The following GRAMD2B variants were observed in gnomAD, a reference collection of about 807,000 sequenced individuals.
The protein encoded by GRAMD2B is GRAM domain containing 2B, also known as GRAM domain-containing protein 2B.
In GRAMD2B, 41 loss-of-function variants were observed where a neutral mutation model predicts 59.2. The ratio of observed to expected loss-of-function variants is 0.69; its 90% CI spans 0.54 to 0.90. GRAMD2B has a LOEUF of 0.90. Ranked by LOEUF, GRAMD2B falls within the 40% of genes least tolerant of loss-of-function variation. The probability of loss-of-function intolerance (pLI) is 0.00; values close to 1 mark genes in which losing one functional copy is unlikely to be tolerated. For synonymous variants in GRAMD2B, 161 were observed against 182.7 expected (o/e 0.88, Z 0.96); for missense variants, 424 against 500.5 (o/e 0.85, Z 1.46).
upstream of GRAMD2B, chr5:126,371,214 T>C (rs754571919): frequency 2.9e-6 from 2 of 685,488 alleles, no homozygotes; most frequent in Non-Finnish European, 3.7e-6. Context: ...CATTTATTTC[T>C]TTACAGCAAA....
At chr5:126,435,033 C>T (rs1434213299) in intron 1 of GRAMD2B, among the ~76,000 whole-genome samples, 1 of 152,122 alleles carries the variant, frequency 6.6e-6, no homozygotes, top group Non-Finnish European at 1.5e-5. Flanking sequence ...CTGTACTGTT[C>T]AGTAACTTTT....
intron 1 of GRAMD2B, among the ~76,000 whole-genome samples, chr5:126,430,605 T>C (rs1761398684): frequency 6.6e-6 from 1 of 152,210 alleles, no homozygotes; most frequent in Non-Finnish European, 1.5e-5. Context: ...CGTAGAAATC[T>C]TTGTTCCATA....
chr5:126,433,715 A>G (rs570898237), intron 1 of GRAMD2B: 28 of 152,226 alleles, frequency 1.8e-4, no homozygotes, highest in Non-Finnish European at 2.5e-4. Flanking sequence ...TCATTCATGG[A>G]TTCCAATTTT....
At chr5:126,429,907 T>C (rs1320850972) in intron 1 of GRAMD2B, among the ~76,000 whole-genome samples, 1 of 152,236 alleles carries the variant, frequency 6.6e-6, no homozygotes, top group African/African-American at 2.4e-5. Context: ...GTGTTATACA[T>C]CTGTTGTCCA....
chr5:126,444,454 G>A lies in GRAMD2B; in HGVS notation c.83+20765G>A. On this transcript the variant is annotated intron_variant, in intron 1 of 13. Transcript: ENST00000285689. ...CGCAGATTTTTTGTTCTAAGAATTG[G>A]CAAGAACCTTTTGCAAAGATAAGGG... 1.3e-5 allele frequency among the ~76,000 whole-genome samples: 2 copies of A among 152,122 alleles called. 1 individual carries two copies.
intron 5 of GRAMD2B, among the ~76,000 whole-genome samples, chr5:126,476,049 G>A (rs1045404385): frequency 5.3e-5 from 8 of 151,772 alleles, no homozygotes; most frequent in East Asian, 1.9e-4. Flanking sequence ...TGGAGGTTGC[G>A]GTGAGCCGAG....
In GRAMD2B at chr5:126,480,640, G is replaced by A; in HGVS notation, c.668G>A (p.Gly223Asp). The A allele has an allele frequency of 1.2e-6, 2 of 1,614,004 alleles. No individual in the cohort carries two copies. The highest frequency in any genetic ancestry group is 1.7e-6 in the Non-Finnish European group (2 of 1,179,910). ...CAATAATTTCAGAATACAAGTGTTG[G>A]TAACAGTCCCAATCCATCTTCTGCT... ...VCGHLENTSV[G>D]NSPNPSSAEN... is the part of the protein sequence containing the mutation. Residue 223 changes from glycine to aspartate, a missense_variant, in exon 8 of 14, where the codon GGT becomes GAT. Physicochemically the swap from Gly to Asp is moderately conservative, Grantham distance 94. Transcript: ENST00000285689.
chr5:126,489,024 G>T, intron 13 of GRAMD2B, 132 bp downstream of exon 13: 1 of 528,060 alleles, frequency 1.9e-6, no homozygotes, highest in Non-Finnish European at 3.4e-6. Flanking sequence ...ACCCTGGCTA[G>T]GGGCTTTTTA....
At chr5:126,420,304 C>T (rs775389230), upstream of GRAMD2B, among the ~76,000 whole-genome samples, 4 of 152,156 alleles carry the variant, frequency 2.6e-5, no homozygotes, top group African/African-American at 4.8e-5. Flanking sequence ...GTTTATCTGC[C>T]GTGCCTCTTG....
intron 11 of GRAMD2B, among the ~76,000 whole-genome samples, chr5:126,486,471 C>T (rs182694407): frequency 7.2e-5 from 11 of 152,276 alleles, no homozygotes; most frequent in African/African-American, 2.4e-4. Context: ...CTGTTCCTCC[C>T]AACCAAGGAA....
At chr5:126,421,574 A>C (rs1759730781), upstream of GRAMD2B, among the ~76,000 whole-genome samples, 1 of 152,086 alleles carries the variant, frequency 6.6e-6, no homozygotes, top group Non-Finnish European at 1.5e-5. Flanking sequence ...AAAGAAAAAG[A>C]GAGAGAGGCC....
At chr5:126,409,420 G>C (rs1372018478) in intron 1 of GRAMD2B, among the ~76,000 whole-genome samples, 1 of 152,102 alleles carries the variant, frequency 6.6e-6, no homozygotes, top group Non-Finnish European at 1.5e-5. Flanking sequence ...GTTTTGATTT[G>C]CATTTCTCTG....
At chr5:126,470,501 G>T (rs764240213) in intron 3 of GRAMD2B, among the ~76,000 whole-genome samples, 2 of 151,914 alleles carry the variant, frequency 1.3e-5, no homozygotes, top group African/African-American at 2.4e-5. Flanking sequence ...CTTTATAAAG[G>T]TGTTTTTTTC....
At chr5:126,409,351 T>G (rs1758552660) in intron 1 of GRAMD2B, among the ~76,000 whole-genome samples, 2 of 152,226 alleles carry the variant, frequency 1.3e-5, no homozygotes, top group South Asian at 4.1e-4. Context: ...CAGCACTTGT[T>G]GTTTCCTGAC....
At chr5:126,404,076 TG>T (rs1358798656) in intron 1 of GRAMD2B, among the ~76,000 whole-genome samples, 1 of 151,948 alleles carries the variant, frequency 6.6e-6, no homozygotes, top group African/African-American at 2.4e-5. Context: ...ACCATACTTT[TG>T]AAAACAATTG....
intron 1 of GRAMD2B, among the ~76,000 whole-genome samples, chr5:126,452,213 G>T (rs1765501638): frequency 6.6e-6 from 1 of 152,118 alleles, no homozygotes; most frequent in Non-Finnish European, 1.5e-5. Context: ...GTCTGGTGAG[G>T]GCACATTTGC....
chr5:126,398,745 CT>C (rs1481735037), intron 1 of GRAMD2B, among the ~76,000 whole-genome samples: 1 of 152,102 alleles, frequency 6.6e-6, no homozygotes, highest in Non-Finnish European at 1.5e-5. Context: ...TCACTATAAA[CT>C]TTCCTTTTAG....
intron 1 of GRAMD2B, among the ~76,000 whole-genome samples, chr5:126,432,015 C>T (rs1313020114): frequency 6.6e-6 from 1 of 152,166 alleles, no homozygotes; most frequent in Admixed American, 6.5e-5. Context: ...GCAGTCTCAA[C>T]CTTTCTGGGC....
intron 3 of GRAMD2B, among the ~76,000 whole-genome samples, chr5:126,471,220 T>G (rs927670739): frequency 3.3e-5 from 5 of 152,146 alleles, no homozygotes; most frequent in Non-Finnish European, 5.9e-5. Flanking sequence ...GAATTTTTCT[T>G]CAGAAGCATC....
Sources: gnomAD v4.1 joint callset for allele counts (sites outside exome capture counted in the v4.1 genomes callset) on GRCh38, gnomAD v4.1.1 for gene constraint, MANE v1.5 for transcripts, NCBI Gene and HGNC (gene_info 2026-07-23, HGNC 2026-07-21) for gene names.